NKAIN2: variants seen among roughly 807,000 people sequenced by gnomAD.
NKAIN2 encodes the protein sodium/potassium transporting ATPase interacting 2, also known as sodium/potassium-transporting ATPase subunit beta-1-interacting protein 2.
A neutral mutation model predicts 32.6 loss-of-function variants in NKAIN2; 14 were observed. The ratio of observed to expected loss-of-function variants is 0.43; its 90% CI spans 0.28 to 0.67. The LOEUF is 0.67. Ranked by LOEUF, NKAIN2 falls within the 30% of genes least tolerant of loss-of-function variation. NKAIN2 has a pLI of 0.17. For synonymous variants in NKAIN2, 80 were observed against 87.2 expected, an observed-to-expected ratio of 0.92 and a Z score of 0.46; for missense variants, 198 against 258.3, an observed-to-expected ratio of 0.77 and a Z score of 1.60.
At chr6:124,673,054 C>T (rs1289867863) in intron 4 of NKAIN2, among the ~76,000 whole-genome samples, 1 of 151,954 alleles carries the variant, frequency 6.6e-6, no homozygotes, top group Non-Finnish European at 1.5e-5. Flanking sequence ...TTCTCCCTTC[C>T]CCAAGCTTCT....
At chr6:124,814,703 C>T (rs1469929107) in intron 5 of NKAIN2, among the ~76,000 whole-genome samples, 2 of 152,098 alleles carry the variant, frequency 1.3e-5, no homozygotes, top group African/African-American at 4.8e-5. Context: ...TTTCTTGTGT[C>T]TTTGGAAGGT....
chr6:123,923,541 C>A (rs545628082), intron 1 of NKAIN2, among the ~76,000 whole-genome samples: 1 of 151,690 alleles, frequency 6.6e-6, no homozygotes, highest in East Asian at 1.9e-4. Flanking sequence ...GGAACCAACC[C>A]AAATGTCCAA....
chr6:124,494,029 G>A (rs1013249796), intron 3 of NKAIN2, among the ~76,000 whole-genome samples: 1 of 152,028 alleles, frequency 6.6e-6, no homozygotes, highest in African/African-American at 2.4e-5. Flanking sequence ...CTCAGACTCT[G>A]CTTTCAAGGA....
intron 3 of NKAIN2, among the ~76,000 whole-genome samples, chr6:124,647,501 A>AAAAAG (rs1784221116): frequency 6.7e-6 from 1 of 149,322 alleles, no homozygotes; most frequent in Non-Finnish European, 1.5e-5. Context: ...TCTGTCAAAA[A>AAAAAG]AAAAAAAAAA....
intron 2 of NKAIN2, among the ~76,000 whole-genome samples, chr6:124,347,663 C>T (rs1200712041): frequency 1.3e-5 from 2 of 152,012 alleles, no homozygotes; most frequent in East Asian, 1.9e-4. Context: ...ACGTAGTTCT[C>T]GAGCCTTGGC....
At chr6:123,846,838 A>ACG (rs1283486571) in intron 1 of NKAIN2, among the ~76,000 whole-genome samples, 98 of 67,500 alleles carry the variant, frequency 1.5e-3, no homozygotes, top group South Asian at 5.7e-3. Flanking sequence ...ACACACACGC[A>ACG]CGCGCGCACA....
intron 3 of NKAIN2, among the ~76,000 whole-genome samples, chr6:124,551,021 G>T (rs1194084111): frequency 2.6e-5 from 4 of 152,168 alleles, no homozygotes; most frequent in Non-Finnish European, 4.4e-5. Context: ...AAATTCGGGG[G>T]TCATAAATAT....
At chr6:124,098,818 C>T (rs1784754199) in intron 1 of NKAIN2, among the ~76,000 whole-genome samples, 2 of 151,754 alleles carry the variant, frequency 1.3e-5, no homozygotes, top group Admixed American at 6.6e-5. Flanking sequence ...TGCAGTGAGC[C>T]GAGATCACGC....
chr6:124,037,880 G>A (rs1318725759), intron 1 of NKAIN2, among the ~76,000 whole-genome samples: 3 of 152,146 alleles, frequency 2.0e-5, no homozygotes, highest in African/African-American at 7.2e-5. Flanking sequence ...TATAAGAAAT[G>A]GAAGTACCAG....
intron 1 of NKAIN2, among the ~76,000 whole-genome samples, chr6:123,944,178 T>G (rs1776960454): frequency 6.6e-6 from 1 of 152,060 alleles, no homozygotes; most frequent in Non-Finnish European, 1.5e-5. Flanking sequence ...AGTGCCTTTC[T>G]TAGTTTCTGA....
chr6:123,937,997 A>T (rs948130231), intron 1 of NKAIN2, among the ~76,000 whole-genome samples: 6 of 18,684 alleles, frequency 3.2e-4, no homozygotes, highest in Non-Finnish European at 5.5e-4. Context: ...ATACACGAAA[A>T]GGTCAAGAAT....
intron 3 of NKAIN2, among the ~76,000 whole-genome samples, chr6:124,384,974 T>C (rs1772828053): frequency 6.6e-6 from 1 of 152,208 alleles, no homozygotes; most frequent in South Asian, 2.1e-4. Context: ...ACTTGCTTTC[T>C]AACTATAAGC....
chr6:124,369,704 A>G (rs1392144408), intron 3 of NKAIN2, among the ~76,000 whole-genome samples: 1 of 151,916 alleles, frequency 6.6e-6, no homozygotes. Flanking sequence ...AGTATGTCCA[A>G]TTCCTCATAC....
At chr6:123,827,173 A>G (rs546060426) in intron 1 of NKAIN2, among the ~76,000 whole-genome samples, 106 of 152,142 alleles carry the variant, frequency 7.0e-4, no homozygotes, top group African/African-American at 2.4e-3. Context: ...GTCCTTTTCT[A>G]TTTTTTAATC....
intron 2 of NKAIN2, among the ~76,000 whole-genome samples, chr6:124,292,895 C>T (rs2753157): frequency 0.3 from 45,082 of 151,868 alleles, 9,214 homozygotes; most frequent in African/African-American, 0.58. Context: ...GAAACACACT[C>T]ATGACACTTA....
chr6:123,892,544 TCC>T (rs1774070604), intron 1 of NKAIN2, among the ~76,000 whole-genome samples: 1 of 151,732 alleles, frequency 6.6e-6, no homozygotes, highest in Non-Finnish European at 1.5e-5. Flanking sequence ...CTCCACCTAG[TCC>T]CAACCTTGAC....
intron 1 of NKAIN2, among the ~76,000 whole-genome samples, chr6:124,244,268 G>C (rs1793272106): frequency 8.3e-6 from 1 of 120,440 alleles, no homozygotes; most frequent in African/African-American, 3.3e-5. Context: ...AGTCCCCAGA[G>C]TGTGATGTTC....
At chr6:124,670,952 C>T (rs1226546329) in intron 4 of NKAIN2, among the ~76,000 whole-genome samples, 2 of 152,042 alleles carry the variant, frequency 1.3e-5, no homozygotes, top group Non-Finnish European at 2.9e-5. Context: ...AGTCTTTCAT[C>T]ATTTGGTTCA....
intron 4 of NKAIN2, among the ~76,000 whole-genome samples, chr6:124,713,044 T>C (rs1296014972): frequency 6.6e-6 from 1 of 152,102 alleles, no homozygotes; most frequent in African/African-American, 2.4e-5. Context: ...AACTAATATG[T>C]TGAATGACAG....
Sources: allele counts gnomAD v4.1 joint callset (sites outside exome capture counted in the v4.1 genomes callset), GRCh38; gene constraint gnomAD v4.1.1; transcripts MANE v1.5; gene names NCBI Gene and HGNC (gene_info 2026-07-23, HGNC 2026-07-21).